PCBP3: variants seen among roughly 807,000 people sequenced by gnomAD.
PCBP3 encodes poly(rC) binding protein 3.
PCBP3 carries 25 observed loss-of-function variants against 52.7 expected under a neutral mutation model. The ratio of observed to expected loss-of-function variants is 0.47; its 90% CI spans 0.35 to 0.66. The LOEUF (loss-of-function observed/expected upper bound fraction) is 0.66. Among genes scored for constraint, PCBP3 ranks in the 30% least tolerant of loss-of-function variants. The pLI is 0.01. For missense variants in PCBP3, 391 were observed against 490.3 expected (o/e 0.80, Z 1.91); for synonymous variants, 162 against 183.0 (o/e 0.89, Z 0.93).
At chr21:45,918,071 C>CTGTTT in intron 13 of PCBP3, 1 of 266,816 alleles carries the variant, frequency 3.7e-6, no homozygotes, top group Non-Finnish European at 7.3e-6. Context: ...TTAACTCCCC[C>CTGTTT]TTTCAGAGTC....
intron 15 of PCBP3, among the ~76,000 whole-genome samples, chr21:45,931,671 G>A (rs979822495): frequency 6.6e-5 from 10 of 152,148 alleles, no homozygotes; most frequent in Admixed American, 2.6e-4. Context: ...CGGCCATGCC[G>A]TCCTGAGATG....
intron 11 of PCBP3, among the ~76,000 whole-genome samples, chr21:45,911,868 A>G (rs558798533): frequency 3.7e-4 from 57 of 152,332 alleles, no homozygotes; most frequent in Middle Eastern, 3.4e-3. Context: ...GAAGTGAAAA[A>G]TATTTTTCAA....
At chr21:45,822,772 C>T (rs994507618) in intron 4 of PCBP3, among the ~76,000 whole-genome samples, 1 of 152,218 alleles carries the variant, frequency 6.6e-6, no homozygotes, top group Non-Finnish European at 1.5e-5. Flanking sequence ...GTTTCTGACT[C>T]TTCTTGGTTT....
intron 11 of PCBP3, among the ~76,000 whole-genome samples, chr21:45,913,675 C>T (rs759032236): frequency 1.3e-5 from 2 of 152,274 alleles, no homozygotes; most frequent in South Asian, 2.1e-4. Context: ...TCGGGGCAGG[C>T]GGTACTCTCA....
At chr21:45,887,558 G>A (rs1238457953) in intron 5 of PCBP3, among the ~76,000 whole-genome samples, 2 of 152,250 alleles carry the variant, frequency 1.3e-5, no homozygotes, top group Non-Finnish European at 2.9e-5. Flanking sequence ...AAGCAGACAG[G>A]AGCTCTGTGG....
chr21:45,644,267 C>A (rs1350966146), intron 1 of PCBP3, among the ~76,000 whole-genome samples: 5 of 151,624 alleles, frequency 3.3e-5, no homozygotes, highest in Admixed American at 2.6e-4. Flanking sequence ...CACCCCGGAG[C>A]GGCCGCGGCG....
intron 4 of PCBP3, among the ~76,000 whole-genome samples, chr21:45,819,820 G>T (rs2093076632): frequency 6.6e-6 from 1 of 152,262 alleles, no homozygotes; most frequent in African/African-American, 2.4e-5. Context: ...CGGGCACAGG[G>T]CCTCTGCCAG....
intron 4 of PCBP3, among the ~76,000 whole-genome samples, chr21:45,774,618 T>G (rs2090123455): frequency 6.6e-6 from 1 of 152,170 alleles, no homozygotes; most frequent in African/African-American, 2.4e-5. Context: ...GAGAACACTC[T>G]TAGCTTTTCT....
chr21:45,909,125 G>A (rs374036633), intron 9 of PCBP3, among the ~76,000 whole-genome samples: 15 of 151,646 alleles, frequency 9.9e-5, no homozygotes, highest in African/African-American at 2.9e-4. Flanking sequence ...ACCCCACTGC[G>A]GCACGGTGAC....
intron 1 of PCBP3, among the ~76,000 whole-genome samples, chr21:45,664,605 A>AT (rs562574244): frequency 1.3e-4 from 19 of 144,848 alleles, no homozygotes; most frequent in Admixed American, 4.1e-4. Flanking sequence ...ATTTTTTTTA[A>AT]TTTTTTTTTT....
chr21:45,759,855 C>T (rs986155379), intron 4 of PCBP3: 13 of 152,060 alleles, frequency 8.5e-5, no homozygotes, highest in African/African-American at 2.7e-4. Context: ...TCTGGAACAC[C>T]AAAGACAAGT....
chr21:45,840,693 G>A lies in PCBP3; in HGVS notation c.-125-9268G>A, dbSNP rs189436455. On this transcript the variant is annotated intron_variant, in intron 4 of 17. Transcript: ENST00000681687. ...TAGACAGGTGTGCCATTTTATTATC[G>A]GCTCACTGCAGCCTTGACCTCCTGA... 1.9e-4 allele frequency among the ~76,000 whole-genome samples: 29 copies of A among 152,028 alleles called. No homozygotes were observed. In the East Asian group the frequency reaches 4.6e-3, roughly 24 times the overall value.
chr21:45,766,996 C>T (rs1439115394), intron 4 of PCBP3, among the ~76,000 whole-genome samples: 1 of 152,206 alleles, frequency 6.6e-6, no homozygotes, highest in African/African-American at 2.4e-5. Context: ...TAACACAGTA[C>T]TCAGTTTTGA....
intron 7 of PCBP3, among the ~76,000 whole-genome samples, chr21:45,900,331 C>T (rs1000774181): frequency 6.6e-5 from 10 of 152,220 alleles, no homozygotes; most frequent in African/African-American, 2.4e-4. Flanking sequence ...GTCAGACCTG[C>T]GCCACCCTTG....
chr21:45,700,166 G>A (rs1569130255), intron 2 of PCBP3, among the ~76,000 whole-genome samples: 1 of 152,138 alleles, frequency 6.6e-6, no homozygotes, highest in Non-Finnish European at 1.5e-5. Flanking sequence ...GGGTGCTTCT[G>A]CTCTGAGACA....
intron 2 of PCBP3, among the ~76,000 whole-genome samples, chr21:45,723,540 G>A (rs2084814871): frequency 6.6e-6 from 1 of 152,232 alleles, no homozygotes; most frequent in Non-Finnish European, 1.5e-5. Context: ...TTGATAGTGA[G>A]TAAAGCCCAT....
chr21:45,900,888 A>C (rs1181723993), intron 8 of PCBP3, 109 bp from the exon 9 acceptor site: 12 of 781,786 alleles, frequency 1.5e-5, no homozygotes, highest in Non-Finnish European at 2.3e-6. Context: ...GGTTTCCGTC[A>C]GCGGACAGAG....
At chr21:45,676,859 C>T (rs2147416262) in intron 2 of PCBP3, among the ~76,000 whole-genome samples, 1 of 152,202 alleles carries the variant, frequency 6.6e-6, no homozygotes, top group African/African-American at 2.4e-5. Flanking sequence ...GCAACATCTG[C>T]CTCCTGGGTT....
chr21:45,899,548 C>G, intron 6 of PCBP3, 51 bp from the exon 7 acceptor site: 1 of 1,518,638 alleles, frequency 6.6e-7, no homozygotes, highest in Non-Finnish European at 9.1e-7. Context: ...CCAGTGTTTT[C>G]CTCCTCCTGC....
Sources: allele counts gnomAD v4.1 joint callset (sites outside exome capture counted in the v4.1 genomes callset), GRCh38; gene constraint gnomAD v4.1.1; transcripts MANE v1.5; gene names NCBI Gene and HGNC (gene_info 2026-07-23, HGNC 2026-07-21).